DNAH11: variants seen among roughly 807,000 people sequenced by gnomAD.
DNAH11 encodes the protein dynein axonemal heavy chain 11, also known as axonemal beta dynein heavy chain 11.
A neutral mutation model predicts 526.0 loss-of-function variants in DNAH11; 442 were observed. That is an observed-to-expected ratio of 0.84 (90% confidence interval 0.78 to 0.91). DNAH11 has a LOEUF of 0.91. DNAH11 is among the 40% of genes least tolerant of loss of function. The probability of loss-of-function intolerance (pLI) is 0.00; values close to 1 mark genes in which losing one functional copy is unlikely to be tolerated. For synonymous variants in DNAH11, 2,461 were observed against 1,935.9 expected (o/e 1.27, Z -7.12); for missense variants, 6,989 against 5,448.7 (o/e 1.28, Z -8.90).
At chr7:21,616,522 C>A (rs905419148) in intron 22 of DNAH11, among the ~76,000 whole-genome samples, 1 of 152,084 alleles carries the variant, frequency 6.6e-6, no homozygotes, top group Admixed American at 6.5e-5. Flanking sequence ...TTATGAGAAG[C>A]TACTCTAATT....
rs550343852 is a variant in DNAH11, at chr7:21,790,173, G to A, written c.10026+831G>A. On this transcript the variant is annotated intron_variant, in intron 61 of 81. Coordinates refer to ENST00000409508, the MANE Select transcript of DNAH11 (RefSeq NM_001277115.2). The stretch of plus-strand genomic sequence containing the variant: ...GCTTAGAAAATATTTTCGGCTCGGC[G>A]CAGTGGCTCACACCTGTAATCCCAG... Among the ~76,000 whole-genome samples, 98 of 152,092 alleles carry A rather than the reference G, an allele frequency of 6.4e-4. 1 individual carries two copies. Among genetic ancestry groups the A allele is most frequent in the Middle Eastern group, 3.4e-3 (1 of 294 alleles).
intron 25 of DNAH11, among the ~76,000 whole-genome samples, chr7:21,634,958 A>C (rs923438280): frequency 6.6e-6 from 1 of 152,170 alleles, no homozygotes; most frequent in African/African-American, 2.4e-5. Flanking sequence ...CTTTTCTTTT[A>C]ATTTAAACAT....
intron 61 of DNAH11, among the ~76,000 whole-genome samples, chr7:21,797,221 T>C (rs928615258): frequency 5.3e-5 from 8 of 152,012 alleles, no homozygotes; most frequent in Admixed American, 5.2e-4. Flanking sequence ...CTTTGAACTT[T>C]TTTTTTTTTC....
rs5882825 is a variant in DNAH11, at chr7:21,780,025, C to CT, written c.9483+932dup. Among the ~76,000 whole-genome samples the CT allele has an allele frequency of 6.8e-3, 1,018 of 149,832 alleles. 6 individuals are homozygous for CT. Among genetic ancestry groups the CT allele is most frequent in the African/African-American group, 0.023 (954 of 40,840 alleles). ...ATTCATATACAATTGAGTTGATTTTCTTTTTTTTTTTCCAATGCATATTGA... is the reference window on the plus strand; with the variant it reads ...ATTCATATACAATTGAGTTGATTTTCTTTTTTTTTTTTCCAATGCATATTGA... On this transcript the variant is annotated intron_variant, in intron 57 of 81. Transcript: ENST00000409508.
At chr7:21,868,104 C>A in intron 72 of DNAH11, 97 bp downstream of exon 72, 22 of 697,230 alleles carry the variant, frequency 3.2e-5, no homozygotes, top group South Asian at 5.9e-5. Context: ...ATCTTAGTTT[C>A]TTTTTTTTTT....
At chr7:21,750,937 A>G (rs942351081) in intron 54 of DNAH11, among the ~76,000 whole-genome samples, 3 of 152,204 alleles carry the variant, frequency 2.0e-5, no homozygotes, top group Non-Finnish European at 4.4e-5. Context: ...AAGAGATAAG[A>G]GGTTTCTAAA....
chr7:21,898,964 C>G (rs531788221), intron 79 of DNAH11, among the ~76,000 whole-genome samples: 1 of 152,350 alleles, frequency 6.6e-6, no homozygotes, highest in African/African-American at 2.4e-5. Flanking sequence ...ATCCCTGGTC[C>G]TCAGACACCC....
chr7:21,636,147 A>G (rs1257345048), intron 26 of DNAH11, 52 bp downstream of exon 26: 4 of 1,453,462 alleles, frequency 2.8e-6, no homozygotes, highest in Non-Finnish European at 3.7e-6. Flanking sequence ...GTAAAGTAAC[A>G]TGGTTTTGAG....
At chr7:21,574,564 CTTT>C (rs35535321) in intron 8 of DNAH11, among the ~76,000 whole-genome samples, 6 of 123,836 alleles carry the variant, frequency 4.8e-5, no homozygotes, top group Non-Finnish European at 8.3e-5. Context: ...CCCTTCCTTC[CTTT>C]TTTTTTTTTT....
chr7:21,587,046 C>T (rs1332628534), intron 9 of DNAH11, among the ~76,000 whole-genome samples: 1 of 152,194 alleles, frequency 6.6e-6, no homozygotes. Flanking sequence ...GCCCTTAACA[C>T]ATAGTTCCTG....
In DNAH11 at chr7:21,599,947, T is replaced by A. The variant is rs1033361186; in HGVS notation, c.2828T>A (p.Phe943Tyr). The A allele has an allele frequency of 6.2e-7, 1 of 1,613,754 alleles. No individual in the cohort carries two copies. The highest frequency in any genetic ancestry group is 8.5e-7 in the Non-Finnish European group (1 of 1,179,828). The change falls in exon 15 of 82, where the codon TTT (phenylalanine) becomes TAT (tyrosine). Residue 943 changes from phenylalanine (F) to tyrosine (Y), a missense_variant. Phe to Tyr is a conservative substitution (Grantham distance 22). Coordinates refer to ENST00000409508, the MANE Select transcript of DNAH11 (RefSeq NM_001277115.2). ...GAGAAACAATTGAAACCGGCACCGT[T>A]TTTTCAAGCACAAATGATCTTGTTG... Reference protein sequence around the residue: ...NTEKQLKPAPFFQAQMILLPP... With the variant: ...NTEKQLKPAPYFQAQMILLPP...
In DNAH11 at chr7:21,744,935, G is replaced by A. The variant is rs200214408; in HGVS notation, c.8382G>A (p.Lys2794=). Residue 2794 remains lysine, a synonymous_variant, in exon 51 of 82, where the codon AAG becomes AAA. Coordinates refer to ENST00000409508, the MANE Select transcript of DNAH11 (RefSeq NM_001277115.2). The part of the protein sequence containing the change: ...LIYCHFADRG[K]DPHYMPVKDW... The stretch of plus-strand genomic sequence containing the variant: ...ATTGCCACTTTGCTGATAGAGGGAA[G>A]GACCCACATTACATGCCAGTGAAGG... The A allele has an allele frequency of 9.2e-5, 148 of 1,610,676 alleles. No homozygotes were observed. The highest frequency in any genetic ancestry group is 1.2e-4 in the Non-Finnish European group (137 of 1,178,560).
chr7:21,674,407 C>A lies in DNAH11; in HGVS notation c.5329-7139C>A, dbSNP rs573459415. 6.6e-5 allele frequency among the ~76,000 whole-genome samples: 10 copies of A among 152,192 alleles called. 1 individual carries two copies. The highest frequency in any genetic ancestry group is 2.4e-4 in the African/African-American group (10 of 41,540). The stretch of plus-strand genomic sequence containing the variant: ...ACAGGGTCTCGCTCTGTCACCCAGG[C>A]TGGAGTGCAGTGGTGTGATCTTGGC... On this transcript the variant is annotated intron_variant, in intron 30 of 81. Coordinates refer to ENST00000409508, the MANE Select transcript of DNAH11 (RefSeq NM_001277115.2).
Position 21,589,298 on chromosome 7 carries a change from T to C in DNAH11, c.2064T>C (p.Asn688=), listed in dbSNP as rs770072290. 6.2e-7 allele frequency: 1 copy of C among 1,610,824 alleles called. No individual in the cohort carries two copies. Reference sequence around the variant, plus strand: ...ATCAATTTGAAAGTCGTATCTATAATGAATGGAAAAGTAATGTGGATGAAA... The same window carrying C: ...ATCAATTTGAAAGTCGTATCTATAACGAATGGAAAAGTAATGTGGATGAAA... ...LLDQFESRIY[N]EWKSNVDEIC... Residue 688 remains asparagine (N), a synonymous_variant, in exon 12 of 82, where the codon AAT becomes AAC. Transcript: ENST00000409508.
At chr7:21,815,062 T>C (rs1196680342) in intron 63 of DNAH11, among the ~76,000 whole-genome samples, 1 of 152,120 alleles carries the variant, frequency 6.6e-6, no homozygotes, top group Non-Finnish European at 1.5e-5. Flanking sequence ...TTATTTCCCC[T>C]ACTGAGCAGG....
intron 62 of DNAH11, among the ~76,000 whole-genome samples, chr7:21,801,699 A>G (rs149350601): frequency 1.6e-4 from 25 of 152,360 alleles, no homozygotes; most frequent in Admixed American, 1.6e-3. Flanking sequence ...TATAAAACTC[A>G]GGATGGCTGC....
chr7:21,695,350 A>C (rs989268229), intron 35 of DNAH11, among the ~76,000 whole-genome samples: 3 of 152,196 alleles, frequency 2.0e-5, no homozygotes, highest in Non-Finnish European at 2.9e-5. Flanking sequence ...ACTATGCTAC[A>C]AGGCTGCAGT....
intron 54 of DNAH11, among the ~76,000 whole-genome samples, 155 bp from the exon 55 acceptor site, chr7:21,765,273 C>A (rs1275454501): frequency 6.6e-6 from 1 of 152,120 alleles, no homozygotes; most frequent in Non-Finnish European, 1.5e-5. Context: ...CTTTGATTAG[C>A]AAGGAGGTTA....
chr7:21,840,820 G>A (rs1169176668), intron 65 of DNAH11, among the ~76,000 whole-genome samples: 1 of 152,248 alleles, frequency 6.6e-6, no homozygotes, highest in East Asian at 1.9e-4. Flanking sequence ...AAGTAGAGAT[G>A]TTGAGGCAGA....
Sources: allele counts gnomAD v4.1 joint callset (sites outside exome capture counted in the v4.1 genomes callset), GRCh38; gene constraint gnomAD v4.1.1; transcripts MANE v1.5; gene names NCBI Gene and HGNC (gene_info 2026-07-23, HGNC 2026-07-21).